PNMT: variants seen among roughly 807,000 people sequenced by gnomAD.
The protein encoded by PNMT is phenylethanolamine N-methyltransferase.
In PNMT, 18 loss-of-function variants were observed where a neutral mutation model predicts 18.9. The ratio of observed to expected loss-of-function variants is 0.95; its 90% CI spans 0.66 to 1.41. The LOEUF is 1.41. Among genes scored for constraint, PNMT ranks in the 40% most tolerant of loss-of-function variants. The probability of loss-of-function intolerance (pLI) is 0.00; values close to 1 mark genes in which losing one functional copy is unlikely to be tolerated. For missense variants in PNMT, 378 were observed against 387.0 expected (o/e 0.98, Z 0.20); for synonymous variants, 167 against 168.6 (o/e 0.99, Z 0.08).
In PNMT at chr17:39,670,005, GC is replaced by G; in HGVS notation, c.468del (p.Ile157SerfsTer31). The G allele has an allele frequency of 6.2e-7, 1 of 1,604,418 alleles. No homozygotes were observed. The highest frequency in any genetic ancestry group is 1.1e-5 in the South Asian group (1 of 91,042). The stretch of plus-strand genomic sequence containing the variant: ...TGCGAGCCAGGGTGAAACGGGTCCT[GC>G]CCATCGACGTGCACCAGCCCCAGCC... ...QLRARVKRVL[P>X]IDVHQPQPLG... On this transcript the variant is annotated frameshift_variant, in exon 3 of 3. Coordinates refer to ENST00000269582, the MANE Select transcript of PNMT (RefSeq NM_002686.4). LOFTEE classifies it high-confidence loss of function.
rs759059564 is a variant in PNMT, at chr17:39,668,685, G to C, written c.202+8G>C. 6.4e-7 allele frequency: 1 copy of C among 1,566,764 alleles called. No individual in the cohort carries two copies. The highest frequency in any genetic ancestry group is 1.8e-5 in the Admixed American group (1 of 55,716). ...CGCAGACCTTCGCCACCGGTGAGCG[G>C]GGGAAACTGAGGCACGAGGGACAAG... is the stretch of plus-strand genomic sequence containing the variant. On this transcript the variant is annotated splice_region_variant and intron_variant, in intron 1 of 2. Transcript: ENST00000269582.
chr17:39,668,356 G>A, upstream of PNMT: 1 of 729,496 alleles, frequency 1.4e-6, no homozygotes, highest in Non-Finnish European at 2.0e-6. Flanking sequence ...CGGCGCACAT[G>A]GCCCCGGGCG....
Position 39,670,146 on chromosome 17 carries a change from C to T in PNMT, c.606C>T (p.Thr202=), listed in dbSNP as rs756538357. Residue 202 remains threonine (T), a synonymous_variant, in exon 3 of 3, where the codon ACC becomes ACT. Transcript: ENST00000269582. ...TTCAGCGGGCCCTGGACCACATCACCACGCTGCTGAGGCCTGGGGGGCACC... is the reference window on the plus strand; with the variant it reads ...TTCAGCGGGCCCTGGACCACATCACTACGCTGCTGAGGCCTGGGGGGCACC... The part of the protein sequence containing the change: ...ASFQRALDHI[T]TLLRPGGHLL... 1.2e-6 allele frequency: 2 copies of T among 1,611,940 alleles called. No individual in the cohort carries two copies. The highest frequency in any genetic ancestry group is 8.5e-7 in the Non-Finnish European group (1 of 1,179,954).
Position 39,670,025 on chromosome 17 carries a change from C to T in PNMT, c.485C>T (p.Pro162Leu), listed in dbSNP as rs889621481. ...GTCCTGCCCATCGACGTGCACCAGC[C>T]CCAGCCCCTGGGTGCTGGGAGCCCA... ...KRVLPIDVHQ[P>L]QPLGAGSPAP... is the part of the protein sequence containing the mutation. Residue 162 changes from proline to leucine, a missense_variant, in exon 3 of 3, where the codon CCC becomes CTC. Physicochemically the swap from Pro to Leu is moderately conservative, Grantham distance 98 (BLOSUM62 -3). Coordinates refer to ENST00000269582, the MANE Select transcript of PNMT (RefSeq NM_002686.4). 9 of 1,605,550 alleles carry T rather than the reference C, an allele frequency of 5.6e-6. No individual in the cohort carries two copies. In the African/African-American group the frequency reaches 8.0e-5, roughly 14 times the overall value.
In PNMT at chr17:39,668,678, G is replaced by T. The variant is rs11569780; in HGVS notation, c.202+1G>T. On this transcript the variant is annotated splice_donor_variant, in intron 1 of 2. Coordinates refer to ENST00000269582, the MANE Select transcript of PNMT (RefSeq NM_002686.4). LOFTEE classifies it high-confidence loss of function. Reference sequence around the variant, plus strand: ...TGCTTGGCGCAGACCTTCGCCACCGGTGAGCGGGGGAAACTGAGGCACGAG... The same window carrying T: ...TGCTTGGCGCAGACCTTCGCCACCGTTGAGCGGGGGAAACTGAGGCACGAG... 8.9e-6 allele frequency: 14 copies of T among 1,570,806 alleles called. No homozygotes were observed. Among genetic ancestry groups the T allele is most frequent in the Middle Eastern group, 3.4e-4 (2 of 5,962 alleles).
At chr17:39,668,432 G>C, upstream of PNMT, 1 of 1,338,154 alleles carries the variant, frequency 7.5e-7, no homozygotes, top group Non-Finnish European at 9.5e-7. Flanking sequence ...GTAGAAAAAA[G>C]GGCCGCGAGG....
At position 39,668,996 on chromosome 17, in the gene PNMT, C is replaced by T. The variant is rs567091685; in HGVS notation, c.202+319C>T. Among the ~76,000 whole-genome samples the T allele has an allele frequency of 3.3e-5, 5 of 152,210 alleles. No individual in the cohort carries two copies. The East Asian group carries it at 7.7e-4, about 23-fold the overall frequency. On this transcript the variant is annotated intron_variant, in intron 1 of 2. Transcript: ENST00000269582. ...ATGTGGGACAGGGGTGAGAAACTGC[C>T]AGGATTTCCTCGCTGAGCCTGGCTG...
Position 39,669,620 on chromosome 17 carries a change from C to T in PNMT, c.203-9C>T, listed in dbSNP as rs1456850909. 3 of 1,612,896 alleles carry T rather than the reference C, an allele frequency of 1.9e-6. No individual in the cohort carries two copies. Among genetic ancestry groups the T allele is most frequent in the Admixed American group, 1.7e-5 (1 of 60,018 alleles). On this transcript the variant is annotated splice_polypyrimidine_tract_variant and intron_variant, in intron 1 of 2. Coordinates refer to ENST00000269582, the MANE Select transcript of PNMT (RefSeq NM_002686.4). ...TGGCACCAGGACCCTCTTCCTCTGC[C>T]CTGCCCAGGTGAAGTGTCCGGACGC... is the stretch of plus-strand genomic sequence containing the variant.
chr17:39,670,096 G>A lies in PNMT; in HGVS notation c.556G>A (p.Ala186Thr), dbSNP rs1453749076. The A allele has an allele frequency of 1.2e-6, 2 of 1,609,780 alleles. No homozygotes were observed. The highest frequency in any genetic ancestry group is 1.3e-5 in the African/African-American group (1 of 74,886). ...CCTGGTCTCTGCCTTCTGCTTGGAGGCTGTGAGCCCAGATCTTGCCAGCTT... is the reference window on the plus strand; with the variant it reads ...CCTGGTCTCTGCCTTCTGCTTGGAGACTGTGAGCCCAGATCTTGCCAGCTT... Reference protein sequence around the residue: ...DALVSAFCLEAVSPDLASFQR... With the variant: ...DALVSAFCLETVSPDLASFQR... The change falls in exon 3 of 3, where the codon GCT becomes ACT. Residue 186 changes from alanine to threonine, a missense_variant. Ala to Thr is a moderately conservative substitution (Grantham distance 58). Transcript: ENST00000269582.
In PNMT at chr17:39,668,537, C is replaced by T. The variant is rs1048359653; in HGVS notation, c.62C>T (p.Ala21Val). ...GAAPDSAPGQ[A>V]AVASAYQRFE... Reference sequence around the variant, plus strand: ...GCCCCTGACTCGGCCCCGGGCCAGGCGGCGGTGGCTTCGGCCTACCAGCGC... The same window carrying T: ...GCCCCTGACTCGGCCCCGGGCCAGGTGGCGGTGGCTTCGGCCTACCAGCGC... The change falls in exon 1 of 3, where the codon GCG becomes GTG. Residue 21 changes from alanine to valine, a missense_variant. Transcript: ENST00000269582. 4 of 1,546,498 alleles carry T rather than the reference C, an allele frequency of 2.6e-6. No homozygotes were observed. Among genetic ancestry groups the T allele is most frequent in the Non-Finnish European group, 3.5e-6 (4 of 1,152,308 alleles).
rs759006270 is a variant in PNMT at position 39,668,609 on chromosome 17, G to C, written c.134G>C (p.Gly45Ala). ...CGCAACAACTACGCGCCCCCTCGCG[G>C]GGACCTGTGCAACCCGAACGGCGTC... The part of the protein sequence containing the change: ...YLRNNYAPPR[G>A]DLCNPNGVGP... The change falls in exon 1 of 3, where the codon GGG becomes GCG. Residue 45 changes from glycine (G) to alanine (A), a missense_variant. Coordinates refer to ENST00000269582, the MANE Select transcript of PNMT (RefSeq NM_002686.4). The C allele has an allele frequency of 3.1e-6, 5 of 1,606,076 alleles. No individual in the cohort carries two copies. Among genetic ancestry groups the C allele is most frequent in the Non-Finnish European group, 4.2e-6 (5 of 1,178,920 alleles).
Position 39,670,421 on chromosome 17 carries a change from C to T in PNMT, c.*32C>T. The T allele has an allele frequency of 1.3e-6, 2 of 1,490,384 alleles. No homozygotes were observed. Among genetic ancestry groups the T allele is most frequent in the Non-Finnish European group, 1.8e-6 (2 of 1,108,248 alleles). 92.3% of individuals were successfully genotyped at this position (1,490,384 alleles called of 1,614,324 possible). ...TACCTGGTGCCCTGTGGCCCCCACC[C>T]ACCTGGATTCCCTGTTCTTTGAAGT... is the stretch of plus-strand genomic sequence containing the variant. On this transcript the variant is annotated 3_prime_UTR_variant, in exon 3 of 3. Coordinates refer to ENST00000269582, the MANE Select transcript of PNMT (RefSeq NM_002686.4).
intron 1 of PNMT, among the ~76,000 whole-genome samples, 173 bp downstream of exon 1, chr17:39,668,850 T>C (rs2057275636): frequency 6.7e-6 from 1 of 149,342 alleles, no homozygotes; most frequent in African/African-American, 2.5e-5. Flanking sequence ...CAACATCCCT[T>C]AGGAGAGGGG....
At position 39,669,791 on chromosome 17, in the gene PNMT, A is replaced by G. The variant is rs375992662; in HGVS notation, c.365A>G (p.Asn122Ser). Residue 122 changes from asparagine (N) to serine (S), a missense_variant, in exon 2 of 3, where the codon AAC (asparagine) becomes AGC (serine). By Grantham distance (46) the Asn-to-Ser change is conservative. Coordinates refer to ENST00000269582, the MANE Select transcript of PNMT (RefSeq NM_002686.4). ...RWLQEEPGAF[N>S]WSMYSQHACL... Reference sequence around the variant, plus strand: ...CTGCAGGAGGAGCCGGGGGCCTTCAACTGGAGCATGTACAGCCAACATGCC... The same window carrying G: ...CTGCAGGAGGAGCCGGGGGCCTTCAGCTGGAGCATGTACAGCCAACATGCC... The G allele has an allele frequency of 3.1e-6, 5 of 1,613,900 alleles. No individual in the cohort carries two copies. The African/African-American group carries it at 6.7e-5, about 22-fold the overall frequency.
In PNMT at chr17:39,670,134, G is replaced by A; in HGVS notation, c.594G>A (p.Leu198=). The change falls in exon 3 of 3, where the codon CTG becomes CTA. Residue 198 remains leucine (L), a synonymous_variant. Transcript: ENST00000269582. ...ATCTTGCCAGCTTTCAGCGGGCCCTGGACCACATCACCACGCTGCTGAGGC... is the reference window on the plus strand; with the variant it reads ...ATCTTGCCAGCTTTCAGCGGGCCCTAGACCACATCACCACGCTGCTGAGGC... ...SPDLASFQRA[L]DHITTLLRPG... 1 of 1,611,662 alleles carries A rather than the reference G, an allele frequency of 6.2e-7. No homozygotes were observed. Among genetic ancestry groups the A allele is most frequent in the Admixed American group, 1.7e-5 (1 of 60,020 alleles).
chr17:39,668,401 G>C (rs934871101), upstream of PNMT: 64 of 1,242,884 alleles, frequency 5.1e-5, no homozygotes, highest in Non-Finnish European at 9.3e-6. Context: ...ACAGCGGACC[G>C]GTCGGGGCGG....
intron 1 of PNMT, among the ~76,000 whole-genome samples, chr17:39,669,271 C>T (rs2057278223): frequency 6.6e-6 from 1 of 152,078 alleles, no homozygotes; most frequent in African/African-American, 2.4e-5. Context: ...TTAGTAGAGA[C>T]GGGACTTCTC....
upstream of PNMT, chr17:39,668,449 G>C: frequency 3.7e-6 from 5 of 1,360,206 alleles, no homozygotes; most frequent in Non-Finnish European, 3.8e-6. Context: ...GAGGCGAGCG[G>C]GGCACTGGGC....
Position 39,670,044 on chromosome 17 carries a change from G to T in PNMT, c.504G>T (p.Gly168=), listed in dbSNP as rs1384017060. The T allele has an allele frequency of 1.9e-5, 30 of 1,606,622 alleles. No individual in the cohort carries two copies. The highest frequency in any genetic ancestry group is 2.5e-5 in the Non-Finnish European group (30 of 1,179,948). The stretch of plus-strand genomic sequence containing the variant: ...ACCAGCCCCAGCCCCTGGGTGCTGG[G>T]AGCCCAGCTCCCCTGCCTGCTGACG... ...DVHQPQPLGA[G]SPAPLPADAL... The change falls in exon 3 of 3, where the codon GGG becomes GGT. Residue 168 remains glycine, a synonymous_variant. Coordinates refer to ENST00000269582, the MANE Select transcript of PNMT (RefSeq NM_002686.4).
Sources: allele counts gnomAD v4.1 joint callset (sites outside exome capture counted in the v4.1 genomes callset), GRCh38; gene constraint gnomAD v4.1.1; transcripts MANE v1.5; gene names NCBI Gene and HGNC (gene_info 2026-07-23, HGNC 2026-07-21).